Variants in DPYD observed in about 807,000 individuals in gnomAD.
The protein encoded by DPYD is dihydropyrimidine dehydrogenase, also known as dihydropyrimidine dehydrogenase [NADP(+)].
A neutral mutation model predicts 116.2 loss-of-function variants in DPYD; 109 were observed. That is an observed-to-expected ratio of 0.94 (90% CI 0.80 to 1.10). The LOEUF (loss-of-function observed/expected upper bound fraction) is 1.10, where lower values mean the gene tolerates loss of function less well. DPYD is among the 50% of genes least tolerant of loss of function. The probability of loss-of-function intolerance (pLI) is 0.00; values close to 1 mark genes in which losing one functional copy is unlikely to be tolerated. For missense variants in DPYD, 1,302 were observed against 1,254.5 expected, an observed-to-expected ratio of 1.04 and a Z score of -0.57; for synonymous variants, 440 against 432.0, an observed-to-expected ratio of 1.02 and a Z score of -0.23.
Position 97,503,376 on chromosome 1 carries a change from A to T in DPYD, c.1740+12350T>A, listed in dbSNP as rs974085390. On this transcript the variant is annotated intron_variant, in intron 13 of 22. Coordinates refer to ENST00000370192, the MANE Select transcript of DPYD (RefSeq NM_000110.4). The stretch of plus-strand genomic sequence containing the variant: ...TCACGTAACTCCAACTATCAGGAGT[A>T]TAACTGAGCAAGGACCCCAGCTGCT... Among the ~76,000 whole-genome samples, 3 of 152,130 alleles carry T rather than the reference A, an allele frequency of 2.0e-5. No individual in the cohort carries two copies. In the East Asian group the frequency reaches 5.8e-4, roughly 30 times the overall value.
intron 12 of DPYD, among the ~76,000 whole-genome samples, chr1:97,540,286 T>C (rs1650329511): frequency 2.5e-5 from 3 of 119,802 alleles, no homozygotes; most frequent in Non-Finnish European, 4.8e-5. Flanking sequence ...CTTCTTCGGG[T>C]TAGATTAACT....
At chr1:97,210,284 T>A (rs772358123) in intron 19 of DPYD, among the ~76,000 whole-genome samples, 3 of 152,084 alleles carry the variant, frequency 2.0e-5, no homozygotes, top group Non-Finnish European at 2.9e-5. Context: ...TTATAGACCA[T>A]TTACTTATTT....
chr1:97,872,060 TG>T (rs1330612615), intron 2 of DPYD, among the ~76,000 whole-genome samples: 6 of 151,870 alleles, frequency 4.0e-5, no homozygotes, highest in African/African-American at 1.4e-4. Context: ...CTCTAGTAAA[TG>T]GCAAAACCAA....
intron 13 of DPYD, among the ~76,000 whole-genome samples, chr1:97,496,329 CAAGCACATTGCCTAGAAATAATTTG>C: frequency 6.6e-6 from 1 of 151,996 alleles, no homozygotes; most frequent in South Asian, 2.1e-4. Context: ...CCTCAACATC[CAAGCACATTGCCTAGAAATAATTTG>C]TCAATGAACA....
intron 13 of DPYD, among the ~76,000 whole-genome samples, chr1:97,508,312 T>C (rs1364211943): frequency 6.6e-6 from 1 of 151,958 alleles, no homozygotes; most frequent in Non-Finnish European, 1.5e-5. Flanking sequence ...TATAAATATC[T>C]GAGAGAAGAG....
At chr1:97,730,283 G>A (rs1210137901) in intron 4 of DPYD, among the ~76,000 whole-genome samples, 4 of 151,938 alleles carry the variant, frequency 2.6e-5, no homozygotes, top group African/African-American at 9.7e-5. Context: ...GTGCAGTGGC[G>A]ATATCTTGGC....
At position 97,308,004 on chromosome 1, in the gene DPYD, A is replaced by G. The variant is rs111402269; in HGVS notation, c.2059-1707T>C. Among the ~76,000 whole-genome samples, 134 of 151,950 alleles carry G rather than the reference A, an allele frequency of 8.8e-4. 2 individuals are homozygous for G. Among genetic ancestry groups the G allele is most frequent in the African/African-American group, 3.0e-3 (126 of 41,518 alleles). On this transcript the variant is annotated intron_variant, in intron 16 of 22. Transcript: ENST00000370192. ...GGCATAATACATGGAATGTGTCCTG[A>G]TAAGAATTACTGAAACAAATTTGAA... is the stretch of plus-strand genomic sequence containing the variant.
chr1:97,161,164 A>G (rs1212434996), intron 20 of DPYD, among the ~76,000 whole-genome samples: 1 of 152,120 alleles, frequency 6.6e-6, no homozygotes, highest in African/African-American at 2.4e-5. Flanking sequence ...CGGCCAAACA[A>G]CTTCTGGCTC....
At chr1:97,484,871 T>C (rs910844530) in intron 13 of DPYD, among the ~76,000 whole-genome samples, 4 of 152,222 alleles carry the variant, frequency 2.6e-5, no homozygotes, top group African/African-American at 7.2e-5. Context: ...GCACTGATTA[T>C]TTTTCCGCTC....
chr1:97,725,845 T>C (rs1424454630), intron 4 of DPYD, among the ~76,000 whole-genome samples: 1 of 151,502 alleles, frequency 6.6e-6, no homozygotes, highest in East Asian at 1.9e-4. Context: ...CAATAACTGC[T>C]AATAAGTATG....
At chr1:97,133,989 A>C (rs1653531492) in intron 20 of DPYD, among the ~76,000 whole-genome samples, 1 of 106,872 alleles carries the variant, frequency 9.4e-6, no homozygotes, top group Non-Finnish European at 1.9e-5. Context: ...ACAGAGCCAG[A>C]CTCTGTTTCA....
At chr1:97,443,008 T>G (rs573173297) in intron 14 of DPYD, among the ~76,000 whole-genome samples, 171 of 152,324 alleles carry the variant, frequency 1.1e-3, no homozygotes, top group Non-Finnish European at 2.1e-3. Context: ...TTCAAAATGT[T>G]TAAACTATCT....
At chr1:97,238,000 C>A (rs947946085) in intron 18 of DPYD, among the ~76,000 whole-genome samples, 2 of 151,938 alleles carry the variant, frequency 1.3e-5, no homozygotes, top group Admixed American at 6.6e-5. Flanking sequence ...TATTAATGGA[C>A]ATAAAAAGGC....
intron 12 of DPYD, among the ~76,000 whole-genome samples, chr1:97,522,869 T>C (rs1348043763): frequency 6.6e-6 from 1 of 152,196 alleles, no homozygotes; most frequent in Admixed American, 6.5e-5. Context: ...CCTTTTTTTC[T>C]CTAGGCTAAA....
intron 21 of DPYD, among the ~76,000 whole-genome samples, chr1:97,092,001 C>T (rs1368608077): frequency 6.6e-6 from 1 of 152,146 alleles, no homozygotes; most frequent in Non-Finnish European, 1.5e-5. Flanking sequence ...CAGTGTTCTT[C>T]CCCTGGATAC....
intron 8 of DPYD, among the ~76,000 whole-genome samples, chr1:97,645,285 G>A (rs150003983): frequency 3.5e-4 from 54 of 152,128 alleles, no homozygotes; most frequent in African/African-American, 1.2e-3. Flanking sequence ...TTGTACCCTC[G>A]TCAACAATTT....
intron 19 of DPYD, among the ~76,000 whole-genome samples, chr1:97,216,872 C>T (rs1364680560): frequency 1.3e-5 from 2 of 152,086 alleles, no homozygotes; most frequent in African/African-American, 4.8e-5. Flanking sequence ...ATCTTCACAG[C>T]ATACTTTTGA....
At chr1:97,537,646 C>CTTTATTGTCT (rs1305808553) in intron 12 of DPYD, among the ~76,000 whole-genome samples, 1 of 151,912 alleles carries the variant, frequency 6.6e-6, no homozygotes, top group Non-Finnish European at 1.5e-5. Context: ...TTTTAATTGT[C>CTTTATTGTCT]TTTATAATTG....
intron 21 of DPYD, among the ~76,000 whole-genome samples, chr1:97,094,046 C>G (rs929486705): frequency 6.6e-6 from 1 of 152,036 alleles, no homozygotes; most frequent in African/African-American, 2.4e-5. Flanking sequence ...GATTCCTCTT[C>G]TTATCCCTTT....
Sources: gnomAD v4.1 joint callset for allele counts (sites outside exome capture counted in the v4.1 genomes callset) on GRCh38, gnomAD v4.1.1 for gene constraint, MANE v1.5 for transcripts, NCBI Gene and HGNC (gene_info 2026-07-23, HGNC 2026-07-21) for gene names.